Variants in BRD7 observed in about 807,000 individuals in gnomAD.
BRD7 encodes bromodomain-containing protein 7.
Under a neutral mutation model 82.1 loss-of-function variants are expected in BRD7, and 15 were observed. That is an observed-to-expected ratio of 0.18 (90% CI 0.12 to 0.28). The LOEUF is 0.28. Ranked by LOEUF, BRD7 falls within the 10% of genes least tolerant of loss-of-function variation. The pLI is 1.00. For synonymous variants in BRD7, 232 were observed against 266.9 expected (o/e 0.87, Z 1.27); for missense variants, 638 against 779.9 (o/e 0.82, Z 2.17).
At chr16:50,325,961 T>A in intron 10 of BRD7, 78 bp from the exon 11 acceptor site, 1 of 1,385,850 alleles carries the variant, frequency 7.2e-7, no homozygotes, top group Non-Finnish European at 9.8e-7. Flanking sequence ...AAAGATTATT[T>A]ATTCTCTCCT....
rs2039269703 is a variant in BRD7 at position 50,368,913 on chromosome 16, C to T, written c.-139G>A. 1 of 343,498 alleles carries T rather than the reference C, an allele frequency of 2.9e-6. No homozygotes were observed. Among genetic ancestry groups the T allele is most frequent in the Admixed American group, 6.7e-5 (1 of 14,918 alleles). 21.3% of individuals were successfully genotyped at this position (343,498 alleles called of 1,614,324 possible). On this transcript the variant is annotated 5_prime_UTR_variant, in exon 1 of 17. Coordinates refer to ENST00000394688, the MANE Select transcript of BRD7 (RefSeq NM_013263.5). ...CGCGAGGCAGGGGGGCGGCGCGCGC[C>T]GGGCGGCGCGATGCCCCTCTCGAGA...
At chr16:50,339,481 T>A (rs1488648827) in intron 6 of BRD7, among the ~76,000 whole-genome samples, 1 of 152,196 alleles carries the variant, frequency 6.6e-6, no homozygotes, top group East Asian at 1.9e-4. Flanking sequence ...CATTTAAATA[T>A]AACAAAAGTA....
chr16:50,321,771 A>G (rs1455869843), intron 13 of BRD7, among the ~76,000 whole-genome samples: 1 of 152,100 alleles, frequency 6.6e-6, no homozygotes, highest in Admixed American at 6.6e-5. Flanking sequence ...CTCTACCTAC[A>G]TATGGGCTAA....
chr16:50,319,731 T>A (rs2036999016), intron 16 of BRD7, among the ~76,000 whole-genome samples, 156 bp downstream of exon 16: 1 of 152,188 alleles, frequency 6.6e-6, no homozygotes, highest in Non-Finnish European at 1.5e-5. Flanking sequence ...TATAGGCAAA[T>A]ACCTTTTATG....
At chr16:50,344,154 G>C (rs1472389302) in intron 5 of BRD7, among the ~76,000 whole-genome samples, 1 of 151,972 alleles carries the variant, frequency 6.6e-6, no homozygotes, top group Admixed American at 6.6e-5. Context: ...ACAGGGTCTG[G>C]AGTAGACCCC....
At chr16:50,333,346 C>A (rs148815873) in intron 8 of BRD7, among the ~76,000 whole-genome samples, 2 of 152,190 alleles carry the variant, frequency 1.3e-5, no homozygotes, top group Non-Finnish European at 2.9e-5. Flanking sequence ...ACATCCAACA[C>A]GCCCACTGTA....
chr16:50,323,541 G>C (rs1420109509), intron 12 of BRD7, 46 bp downstream of exon 12: 1 of 1,361,818 alleles, frequency 7.3e-7, no homozygotes. Flanking sequence ...ACTAATGCTT[G>C]AGAGTCGATA....
chr16:50,334,393 A>AC (rs2151157588), intron 7 of BRD7, among the ~76,000 whole-genome samples: 1 of 152,274 alleles, frequency 6.6e-6, no homozygotes, highest in South Asian at 2.1e-4. Flanking sequence ...ATGACTATGC[A>AC]TTTTTTCTTA....
chr16:50,321,901 G>A (rs1057170531), intron 13 of BRD7, 81 bp downstream of exon 13: 10 of 1,298,878 alleles, frequency 7.7e-6, no homozygotes, highest in Non-Finnish European at 1.1e-5. Flanking sequence ...CTTACCCAAT[G>A]GGCCTTCCCA....
At chr16:50,349,343 T>C (rs1005247730) in intron 5 of BRD7, 5 of 326,728 alleles carry the variant, frequency 1.5e-5, no homozygotes, top group Non-Finnish European at 2.9e-5. Flanking sequence ...CATGAATATA[T>C]ATGTAACCAA....
intron 5 of BRD7, among the ~76,000 whole-genome samples, chr16:50,342,455 CTTTTTTTTTT>C (rs34093559): frequency 1.9e-5 from 2 of 102,940 alleles, no homozygotes; most frequent in African/African-American, 7.4e-5. Context: ...AAGACACTGT[CTTTTTTTTTT>C]TTTTTTTTTT....
chr16:50,347,648 A>C (rs966644511), intron 5 of BRD7, among the ~76,000 whole-genome samples: 11 of 151,654 alleles, frequency 7.3e-5, no homozygotes, highest in South Asian at 2.1e-4. Flanking sequence ...CATGAGTGAA[A>C]TCCCATTCAC....
chr16:50,321,817 T>C (rs2037129356), intron 13 of BRD7, among the ~76,000 whole-genome samples, 165 bp downstream of exon 13: 2 of 152,188 alleles, frequency 1.3e-5, no homozygotes, highest in African/African-American at 2.4e-5. Flanking sequence ...ATTGTGCAAC[T>C]TGGCACTGAT....
At chr16:50,348,393 A>G (rs1342867827) in intron 5 of BRD7, among the ~76,000 whole-genome samples, 1 of 152,180 alleles carries the variant, frequency 6.6e-6, no homozygotes, top group Non-Finnish European at 1.5e-5. Flanking sequence ...ATGGCAACAA[A>G]AGCCAAAATT....
At chr16:50,348,837 A>G (rs2038395220) in intron 5 of BRD7, among the ~76,000 whole-genome samples, 1 of 152,226 alleles carries the variant, frequency 6.6e-6, no homozygotes, top group Non-Finnish European at 1.5e-5. Flanking sequence ...ACCATGTGGA[A>G]GACAGTGTGG....
At chr16:50,330,653 G>A (rs2037526653) in intron 8 of BRD7, among the ~76,000 whole-genome samples, 2 of 152,092 alleles carry the variant, frequency 1.3e-5, no homozygotes, top group Non-Finnish European at 2.9e-5. Flanking sequence ...TGTATGTGAT[G>A]TATCACTACC....
chr16:50,354,360 G>T, intron 4 of BRD7, 65 bp downstream of exon 4: 1 of 1,354,984 alleles, frequency 7.4e-7, no homozygotes, highest in Non-Finnish European at 1.0e-6. Flanking sequence ...GCACAAATGT[G>T]GTTTGGATCC....
chr16:50,336,926 A>G (rs893802484), intron 6 of BRD7, among the ~76,000 whole-genome samples: 6 of 152,226 alleles, frequency 3.9e-5, no homozygotes, highest in Non-Finnish European at 8.8e-5. Context: ...CAATTTTACA[A>G]TATTAAATGG....
intron 5 of BRD7, among the ~76,000 whole-genome samples, chr16:50,340,297 C>G (rs1396205310): frequency 2.0e-5 from 3 of 152,040 alleles, no homozygotes; most frequent in African/African-American, 7.2e-5. Context: ...ATATTATTTC[C>G]CAAATTCTTA....
Sources: allele counts gnomAD v4.1 joint callset (sites outside exome capture counted in the v4.1 genomes callset), GRCh38; gene constraint gnomAD v4.1.1; transcripts MANE v1.5; gene names NCBI Gene and HGNC (gene_info 2026-07-23, HGNC 2026-07-21).